The following PSMA6 variants were observed in gnomAD, a reference collection of about 807,000 sequenced individuals.
PSMA6 encodes the protein proteasome 20S subunit alpha 6, also known as proteasome subunit alpha type-6.
For synonymous variants in PSMA6, 88 were observed against 97.7 expected (o/e 0.90, Z 0.59); for missense variants, 170 against 294.8 (o/e 0.58, Z 3.10).
At position 35,301,341 on chromosome 14, in the gene PSMA6, C is replaced by CTAAAAA. The variant is rs530403967; in HGVS notation, c.77-6650_77-6645dup. Among the ~76,000 whole-genome samples, 720 of 152,118 alleles carry CTAAAAA rather than the reference C, an allele frequency of 4.7e-3. 11 individuals carry two copies. Among genetic ancestry groups the CTAAAAA allele is most frequent in the African/African-American group, 0.016 (645 of 41,496 alleles). ...CCAACATGGTAAAACCCCGTCTCTACTAAAAATACAGAAAAACTAGCTGGG... is the reference window on the plus strand; with the variant it reads ...CCAACATGGTAAAACCCCGTCTCTACTAAAAATAAAAATACAGAAAAACTAGCTGGG... On this transcript the variant is annotated intron_variant, in intron 1 of 6. Coordinates refer to ENST00000261479, the MANE Select transcript of PSMA6 (RefSeq NM_002791.3).
At chr14:35,296,220 C>T (rs1252600366) in intron 1 of PSMA6, among the ~76,000 whole-genome samples, 2 of 152,138 alleles carry the variant, frequency 1.3e-5, no homozygotes, top group Non-Finnish European at 2.9e-5. Context: ...AAGATAATAA[C>T]CACCTACCTT....
intron 1 of PSMA6, among the ~76,000 whole-genome samples, chr14:35,298,092 G>A (rs951782782): frequency 6.6e-6 from 1 of 152,102 alleles, no homozygotes; most frequent in Non-Finnish European, 1.5e-5. Flanking sequence ...TGGCAGTTTC[G>A]TGTGGTTCAA....
At chr14:35,282,328 G>A (rs958821341) in intron 1 of PSMA6, among the ~76,000 whole-genome samples, 10 of 151,956 alleles carry the variant, frequency 6.6e-5, no homozygotes, top group Non-Finnish European at 1.3e-4. Flanking sequence ...TTGACCTCCT[G>A]GACTCAAGCA....
At chr14:35,292,882 G>A (rs1190143025) in intron 1 of PSMA6, 1 of 509,690 alleles carries the variant, frequency 2.0e-6, no homozygotes, top group Non-Finnish European at 3.8e-6. Flanking sequence ...CACAAGGTCT[G>A]TTTCTAAAGG....
chr14:35,299,432 C>T (rs1177682259), intron 1 of PSMA6, among the ~76,000 whole-genome samples: 3 of 147,406 alleles, frequency 2.0e-5, no homozygotes, highest in South Asian at 2.2e-4. Context: ...AAGCGATTCT[C>T]CTGCCTCAGC....
chr14:35,306,773 C>T (rs1352280255), intron 1 of PSMA6, among the ~76,000 whole-genome samples: 3 of 152,170 alleles, frequency 2.0e-5, no homozygotes, highest in African/African-American at 7.2e-5. Context: ...TTGTAAGCTA[C>T]TATTTTGATC....
chr14:35,292,896 A>G (rs2051513728), intron 1 of PSMA6: 1 of 499,712 alleles, frequency 2.0e-6, no homozygotes, highest in Admixed American at 2.3e-5. Context: ...CTAAAGGGTA[A>G]TTGATTCCTT....
Position 35,314,350 on chromosome 14 carries a change from C to A in PSMA6, c.589-11C>A. The A allele has an allele frequency of 6.3e-7, 1 of 1,594,600 alleles. No homozygotes were observed. On this transcript the variant is annotated splice_polypyrimidine_tract_variant and intron_variant, in intron 5 of 6. Coordinates refer to ENST00000261479, the MANE Select transcript of PSMA6 (RefSeq NM_002791.3). Reference sequence around the variant, plus strand: ...AAATACTATATTTTAACATTAAATACTTTTTTTCAGACTGCAATTACATGC... The same window carrying A: ...AAATACTATATTTTAACATTAAATAATTTTTTTCAGACTGCAATTACATGC...
chr14:35,291,028 G>A (rs191878939), upstream of PSMA6, among the ~76,000 whole-genome samples: 97 of 150,114 alleles, frequency 6.5e-4, no homozygotes, highest in African/African-American at 2.3e-3. Flanking sequence ...ATCTTCCTCT[G>A]TCGCCCAGGC....
Position 35,311,197 on chromosome 14 carries a change from G to A in PSMA6, c.409+302G>A, listed in dbSNP as rs138467588. 6.4e-3 allele frequency: 1,392 copies of A among 218,712 alleles called. 27 individuals carry two copies. Among genetic ancestry groups the A allele is most frequent in the African/African-American group, 0.029 (1,257 of 43,386 alleles). 13.5% of individuals were successfully genotyped at this position (218,712 alleles called of 1,614,324 possible). ...TTGTAATGAGGTTCTACTGCAATTC[G>A]AGATTACTAATTCCATAGAAATACC... On this transcript the variant is annotated intron_variant, in intron 4 of 6. Coordinates refer to ENST00000261479, the MANE Select transcript of PSMA6 (RefSeq NM_002791.3).
chr14:35,298,612 CAA>C (rs1170371336), intron 1 of PSMA6, among the ~76,000 whole-genome samples: 1 of 152,072 alleles, frequency 6.6e-6, no homozygotes, highest in African/African-American at 2.4e-5. Flanking sequence ...TAGCCCAAAC[CAA>C]AGTCTTTGAT....
chr14:35,291,006 T>A (rs1437417079), upstream of PSMA6, among the ~76,000 whole-genome samples: 1 of 151,856 alleles, frequency 6.6e-6, no homozygotes, highest in African/African-American at 2.4e-5. Flanking sequence ...TTTTTTTTTT[T>A]TATTTAGATA....
chr14:35,297,070 A>G (rs960294251), intron 1 of PSMA6, among the ~76,000 whole-genome samples: 1 of 149,076 alleles, frequency 6.7e-6, no homozygotes, highest in Non-Finnish European at 1.5e-5. Flanking sequence ...TATGTAGCCT[A>G]CAAGTTTAGG....
At chr14:35,301,857 G>T (rs1038959026) in intron 1 of PSMA6, among the ~76,000 whole-genome samples, 2 of 152,120 alleles carry the variant, frequency 1.3e-5, no homozygotes, top group Non-Finnish European at 2.9e-5. Context: ...TTAGTTCAGG[G>T]ATGACAGACA....
intron 5 of PSMA6, chr14:35,314,056 A>G: frequency 5.9e-6 from 1 of 170,572 alleles, no homozygotes; most frequent in Non-Finnish European, 1.3e-5. Flanking sequence ...ATTCATCTTT[A>G]TCCTTTTCCC....
Position 35,297,994 on chromosome 14 carries a change from G to A in PSMA6, c.76+5442G>A, listed in dbSNP as rs532769545. Among the ~76,000 whole-genome samples the A allele has an allele frequency of 9.2e-5, 14 of 152,242 alleles. No homozygotes were observed. In the East Asian group the frequency reaches 2.5e-3, roughly 27 times the overall value. ...TGTTGATACCATTTTGTTTGAGCAAGGAAGCAATTTACTTCCTAACCTAAT... is the reference window on the plus strand; with the variant it reads ...TGTTGATACCATTTTGTTTGAGCAAAGAAGCAATTTACTTCCTAACCTAAT... On this transcript the variant is annotated intron_variant, in intron 1 of 6. Transcript: ENST00000261479.
At chr14:35,302,102 A>G (rs968110253) in intron 1 of PSMA6, among the ~76,000 whole-genome samples, 3 of 152,110 alleles carry the variant, frequency 2.0e-5, no homozygotes, top group African/African-American at 7.2e-5. Flanking sequence ...TTTGCCATAT[A>G]AGGTAACATT....
At chr14:35,310,266 C>T (rs559327305) in intron 3 of PSMA6, 13 of 425,174 alleles carry the variant, frequency 3.1e-5, no homozygotes, top group African/African-American at 2.1e-4. Flanking sequence ...AAGCAATTCT[C>T]GTGCCTCAAC....
At chr14:35,293,204 T>G in intron 1 of PSMA6, 1 of 333,642 alleles carries the variant, frequency 3.0e-6, no homozygotes, top group African/African-American at 2.2e-5. Context: ...GCTCTTGAGA[T>G]TGGCATCCCC....
Sources: gnomAD v4.1 joint callset for allele counts (sites outside exome capture counted in the v4.1 genomes callset) on GRCh38, gnomAD v4.1.1 for gene constraint, MANE v1.5 for transcripts, NCBI Gene and HGNC (gene_info 2026-07-23, HGNC 2026-07-21) for gene names.